RIMS1: variants seen among roughly 807,000 people sequenced by gnomAD.
The protein encoded by RIMS1 is regulating synaptic membrane exocytosis 1.
A neutral mutation model predicts 214.1 loss-of-function variants in RIMS1; 83 were observed. The observed-to-expected ratio is 0.39, with a 90% CI of 0.32 to 0.47. RIMS1 has a LOEUF of 0.47. Among genes scored for constraint, RIMS1 ranks in the 20% least tolerant of loss-of-function variants. RIMS1 has a pLI of 0.99. For synonymous variants in RIMS1, 793 were observed against 786.8 expected, an observed-to-expected ratio of 1.01 and a Z score of -0.13; for missense variants, 2,050 against 2,161.8, an observed-to-expected ratio of 0.95 and a Z score of 1.03.
At chr6:71,950,754 G>T (rs972815977) in intron 1 of RIMS1, among the ~76,000 whole-genome samples, 3 of 152,000 alleles carry the variant, frequency 2.0e-5, no homozygotes, top group Non-Finnish European at 1.5e-5. Flanking sequence ...TCCGACTGAG[G>T]CAGCTTCTAC....
At chr6:72,280,615 T>A (rs1290518084) in intron 23 of RIMS1, among the ~76,000 whole-genome samples, 1 of 152,028 alleles carries the variant, frequency 6.6e-6, no homozygotes, top group African/African-American at 2.4e-5. Context: ...TTTAGAAGAA[T>A]CTTTAATGGA....
intron 23 of RIMS1, among the ~76,000 whole-genome samples, chr6:72,277,205 A>G (rs900843711): frequency 6.6e-6 from 1 of 152,218 alleles, no homozygotes; most frequent in Non-Finnish European, 1.5e-5. Context: ...TTTCTCCATA[A>G]TTTAACAGTA....
chr6:72,271,124 G>A (rs1003562978), intron 22 of RIMS1, among the ~76,000 whole-genome samples: 1 of 151,738 alleles, frequency 6.6e-6, no homozygotes, highest in East Asian at 1.9e-4. Flanking sequence ...AAAGTAGCCA[G>A]GCGTGGCGGT....
At chr6:71,946,696 A>G (rs149574063) in intron 1 of RIMS1, among the ~76,000 whole-genome samples, 8 of 152,268 alleles carry the variant, frequency 5.3e-5, no homozygotes, top group Non-Finnish European at 1.2e-4. Context: ...AAAAACTTAG[A>G]GGAAAAGCTC....
rs576339374 is a variant in RIMS1 at position 72,158,782 on chromosome 6, C to T, written c.472-20793C>T. On this transcript the variant is annotated intron_variant, in intron 4 of 33. Coordinates refer to ENST00000521978, the MANE Select transcript of RIMS1 (RefSeq NM_014989.7). ...CATAGTATTCCATGGTGTATATGTG[C>T]CACATTTTCTTAATCCAGTCTATCA... Among the ~76,000 whole-genome samples the T allele has an allele frequency of 2.1e-5, 3 of 139,954 alleles. No individual in the cohort carries two copies. The South Asian group carries it at 7.2e-4, about 34-fold the overall frequency. The allele number at this position is 139,954 out of a possible 152,430, so 91.8% of individuals were successfully genotyped here. A position where few individuals can be genotyped will look rare whatever the true frequency, so the allele number is the denominator to read the frequency against.
chr6:72,232,078 G>T (rs1562846527), intron 6 of RIMS1, among the ~76,000 whole-genome samples: 1 of 151,508 alleles, frequency 6.6e-6, no homozygotes. Context: ...AAACTTCAAA[G>T]ACTTTTTAAG....
At chr6:72,074,670 G>A (rs1831354158) in intron 2 of RIMS1, among the ~76,000 whole-genome samples, 1 of 152,010 alleles carries the variant, frequency 6.6e-6, no homozygotes, top group Non-Finnish European at 1.5e-5. Flanking sequence ...GCCTCCAAAG[G>A]GGAAAAAATA....
intron 26 of RIMS1, among the ~76,000 whole-genome samples, chr6:72,294,239 G>C (rs932018967): frequency 6.6e-6 from 1 of 151,786 alleles, no homozygotes; most frequent in Non-Finnish European, 1.5e-5. Flanking sequence ...TTATGAGTTA[G>C]ATAGGATTTA....
At chr6:72,253,833 G>T (rs1178334293) in intron 16 of RIMS1, among the ~76,000 whole-genome samples, 1 of 151,986 alleles carries the variant, frequency 6.6e-6, no homozygotes, top group East Asian at 1.9e-4. Flanking sequence ...GGTTTCATTT[G>T]TTCCCTATAA....
chr6:72,166,644 G>A (rs2046303635), intron 4 of RIMS1, among the ~76,000 whole-genome samples: 2 of 151,900 alleles, frequency 1.3e-5, no homozygotes, highest in Non-Finnish European at 2.9e-5. Flanking sequence ...GGGAGTCCAA[G>A]GTGGGAGGAT....
rs1767905194 is a variant in RIMS1 at position 71,886,888 on chromosome 6, G to A, written c.-136G>A. ...CGGCTCTGCTGCTGCTGCTGCTGCC[G>A]CCGCCGCCGCTGCTCCTCCTCCTGC... On this transcript the variant is annotated 5_prime_UTR_variant, in exon 1 of 34. Coordinates refer to ENST00000521978, the MANE Select transcript of RIMS1 (RefSeq NM_014989.7). 8 of 947,446 alleles carry A rather than the reference G, an allele frequency of 8.4e-6. No homozygotes were observed. Among genetic ancestry groups the A allele is most frequent in the Admixed American group, 2.5e-5 (1 of 40,704 alleles). The allele number at this position is 947,446 out of a possible 1,614,324, so 58.7% of individuals were successfully genotyped here.
chr6:72,269,337 T>A (rs1293060405), intron 22 of RIMS1, among the ~76,000 whole-genome samples: 2 of 152,206 alleles, frequency 1.3e-5, no homozygotes, highest in African/African-American at 4.8e-5. Flanking sequence ...CTTGTCTTAC[T>A]CCGCTGTCCT....
intron 1 of RIMS1, 26 bp from the exon 2 acceptor site, chr6:71,968,957 G>C (rs374492054): frequency 1.3e-6 from 2 of 1,597,622 alleles, no homozygotes; most frequent in Admixed American, 3.3e-5. Context: ...TTAATAGTGC[G>C]TTGTGCTGTC....
At chr6:72,288,661 G>T (rs1182097681) in intron 24 of RIMS1, among the ~76,000 whole-genome samples, 1 of 152,068 alleles carries the variant, frequency 6.6e-6, no homozygotes, top group African/African-American at 2.4e-5. Context: ...AACTATACTT[G>T]GTTCTATCAT....
chr6:72,118,280 G>A (rs1587427383), intron 4 of RIMS1, among the ~76,000 whole-genome samples: 1 of 151,014 alleles, frequency 6.6e-6, no homozygotes. Flanking sequence ...GCCATTATAG[G>A]AGGTTTTTTC....
chr6:71,948,007 A>G (rs1788401686), intron 1 of RIMS1, among the ~76,000 whole-genome samples: 1 of 152,138 alleles, frequency 6.6e-6, no homozygotes, highest in Admixed American at 6.6e-5. Flanking sequence ...CTTACTAAAT[A>G]ATTATAGGTG....
intron 4 of RIMS1, among the ~76,000 whole-genome samples, chr6:72,126,065 G>A (rs561780890): frequency 1.3e-5 from 2 of 152,276 alleles, no homozygotes; most frequent in Middle Eastern, 3.4e-3. Context: ...CCCATCTTCT[G>A]TGTCGATCTC....
intron 4 of RIMS1, chr6:72,175,304 T>C: frequency 7.5e-6 from 2 of 268,358 alleles, no homozygotes; most frequent in South Asian, 3.5e-5. Context: ...TAAACCTTCA[T>C]GCTTATATTT....
chr6:72,204,682 C>G (rs1216087914), intron 6 of RIMS1, among the ~76,000 whole-genome samples: 1 of 152,118 alleles, frequency 6.6e-6, no homozygotes, highest in Non-Finnish European at 1.5e-5. Flanking sequence ...GAGAAATCAT[C>G]TTTCTACATT....
Sources: allele counts gnomAD v4.1 joint callset (sites outside exome capture counted in the v4.1 genomes callset), GRCh38; gene constraint gnomAD v4.1.1; transcripts MANE v1.5; gene names NCBI Gene and HGNC (gene_info 2026-07-23, HGNC 2026-07-21).